Variants in CHCHD3 observed in about 807,000 individuals in gnomAD.
CHCHD3 encodes the protein coiled-coil-helix-coiled-coil-helix domain containing 3, also known as MICOS complex subunit MIC19.
CHCHD3 carries 20 observed loss-of-function variants against 38.2 expected under a neutral mutation model. The observed-to-expected ratio is 0.52, with a 90% CI of 0.37 to 0.76. CHCHD3 has a LOEUF of 0.76. CHCHD3 is among the 30% of genes least tolerant of loss of function. CHCHD3 has a pLI of 0.00. For missense variants in CHCHD3, 245 were observed against 279.2 expected (o/e 0.88, Z 0.87); for synonymous variants, 82 against 100.0 (o/e 0.82, Z 1.07).
At chr7:132,804,588 T>C (rs768545412) in intron 6 of CHCHD3, among the ~76,000 whole-genome samples, 5 of 152,232 alleles carry the variant, frequency 3.3e-5, no homozygotes, top group Non-Finnish European at 5.9e-5. Context: ...AAGAACAGTT[T>C]AATTTTAAAA....
intron 6 of CHCHD3, among the ~76,000 whole-genome samples, chr7:132,820,699 A>C (rs1008080186): frequency 1.4e-5 from 2 of 147,138 alleles, no homozygotes; most frequent in African/African-American, 5.0e-5. Flanking sequence ...TTTGGGGACT[A>C]ATCTAGACAC....
intron 6 of CHCHD3, among the ~76,000 whole-genome samples, chr7:132,825,893 A>T (rs535507159): frequency 6.6e-6 from 1 of 152,294 alleles, no homozygotes; most frequent in Non-Finnish European, 1.5e-5. Context: ...CCCCTTTTTC[A>T]GAACTGATGG....
At position 132,984,887 on chromosome 7, in the gene CHCHD3, C is replaced by T. The variant is rs1178294066; in HGVS notation, c.252-9601G>A. On this transcript the variant is annotated intron_variant, in intron 3 of 7. Transcript: ENST00000262570. ...CCCCCACCCGGCCAGCCGCCCCATC[C>T]GGGAGGGAGGTGGGGGGGTCAGCCC... is the stretch of plus-strand genomic sequence containing the variant. 1.3e-4 allele frequency among the ~76,000 whole-genome samples: 13 copies of T among 101,884 alleles called. 1 individual carries two copies. Among genetic ancestry groups the T allele is most frequent in the South Asian group, 6.4e-4 (2 of 3,134 alleles). The allele number at this position is 101,884 out of a possible 152,430, so 66.8% of individuals were successfully genotyped here.
chr7:133,034,598 AAG>A (rs1813602439), intron 2 of CHCHD3: 1 of 1,478,918 alleles, frequency 6.8e-7, no homozygotes, highest in South Asian at 1.1e-5. Context: ...AGGTGATGGC[AAG>A]AGATGTTCAC....
intron 5 of CHCHD3, among the ~76,000 whole-genome samples, chr7:132,881,955 C>T (rs895177432): frequency 6.6e-6 from 1 of 152,140 alleles, no homozygotes; most frequent in Non-Finnish European, 1.5e-5. Context: ...CAAAATTCAA[C>T]TTGAGTACTT....
chr7:133,059,342 C>T (rs1163960945), intron 2 of CHCHD3, among the ~76,000 whole-genome samples: 2 of 152,102 alleles, frequency 1.3e-5, no homozygotes, highest in African/African-American at 4.8e-5. Context: ...CCTAACCAAA[C>T]CTCACCTAAA....
At chr7:132,836,223 C>T (rs1807777574) in intron 6 of CHCHD3, among the ~76,000 whole-genome samples, 1 of 152,090 alleles carries the variant, frequency 6.6e-6, no homozygotes, top group Non-Finnish European at 1.5e-5. Flanking sequence ...AAGCGATTCT[C>T]CTGCCTTAGC....
At chr7:132,823,609 G>C in intron 6 of CHCHD3, among the ~76,000 whole-genome samples, 1 of 152,084 alleles carries the variant, frequency 6.6e-6, no homozygotes. Flanking sequence ...GGGAAGGAGA[G>C]AGAATACTTT....
chr7:133,059,523 T>A (rs922732066), intron 2 of CHCHD3, among the ~76,000 whole-genome samples: 3 of 152,122 alleles, frequency 2.0e-5, no homozygotes, highest in Non-Finnish European at 4.4e-5. Flanking sequence ...ACACAGATGA[T>A]TTCCTTTCTA....
intron 4 of CHCHD3, among the ~76,000 whole-genome samples, chr7:132,904,030 T>TG (rs1259990491): frequency 3.3e-5 from 5 of 151,214 alleles, no homozygotes; most frequent in African/African-American, 4.9e-5. Context: ...GAGGCTGAGG[T>TG]GGGGGGATCA....
rs1812133345 is a variant in CHCHD3 at position 132,986,675 on chromosome 7, A to G, written c.252-11389T>C. On this transcript the variant is annotated intron_variant, in intron 3 of 7. Transcript: ENST00000262570. The stretch of plus-strand genomic sequence containing the variant: ...AACAGCAAACCAGTTCCCAGATGCC[A>G]TTAAGAAAATCATTGAGAAGAAAGG... 2.0e-5 allele frequency among the ~76,000 whole-genome samples: 3 copies of G among 152,228 alleles called. 1 individual carries two copies. In the South Asian group the frequency reaches 6.2e-4, roughly 31 times the overall value.
At chr7:132,936,084 A>G (rs2117263161) in intron 4 of CHCHD3, among the ~76,000 whole-genome samples, 1 of 152,304 alleles carries the variant, frequency 6.6e-6, no homozygotes, top group South Asian at 2.1e-4. Flanking sequence ...TGTGAGTTTT[A>G]GAAGGGACAT....
chr7:132,929,980 C>A (rs1311155721), intron 4 of CHCHD3, among the ~76,000 whole-genome samples: 1 of 152,106 alleles, frequency 6.6e-6, no homozygotes, highest in East Asian at 1.9e-4. Flanking sequence ...CAAGAGAAAG[C>A]CTTATCCAGT....
In CHCHD3 at chr7:132,997,659, T is replaced by TAAAAAA. The variant is rs71178073; in HGVS notation, c.252-22379_252-22374dup. Among the ~76,000 whole-genome samples, 171 of 81,756 alleles carry TAAAAAA rather than the reference T, an allele frequency of 2.1e-3. 7 individuals are homozygous for TAAAAAA. The highest frequency in any genetic ancestry group is 5.6e-3 in the African/African-American group (118 of 20,886). The allele number at this position is 81,756 out of a possible 152,430, so 53.6% of individuals were successfully genotyped here. A position where few individuals can be genotyped will look rare whatever the true frequency, so the allele number is the denominator to read the frequency against. On this transcript the variant is annotated intron_variant, in intron 3 of 7. Transcript: ENST00000262570. ...CTTCTCACTGTAACTAACAGGGTTG[T>TAAAAAA]AAAAAAAAAAAAAAAAAAAAAAAAA...
intron 2 of CHCHD3, among the ~76,000 whole-genome samples, chr7:133,027,024 G>A (rs556309012): frequency 9.3e-5 from 14 of 151,194 alleles, no homozygotes; most frequent in South Asian, 2.1e-4. Flanking sequence ...TGCAACCTCC[G>A]CCTCCTGGGT....
At chr7:132,965,879 A>G (rs1376033666) in intron 4 of CHCHD3, among the ~76,000 whole-genome samples, 2 of 152,362 alleles carry the variant, frequency 1.3e-5, no homozygotes, top group Middle Eastern at 3.4e-3. Context: ...ATCATTTGTC[A>G]TAAAAGATGG....
At chr7:132,808,101 T>C (rs1374459559) in intron 6 of CHCHD3, among the ~76,000 whole-genome samples, 1 of 152,194 alleles carries the variant, frequency 6.6e-6, no homozygotes, top group Non-Finnish European at 1.5e-5. Context: ...CTCCCTACAT[T>C]ATCAGCCTTC....
At position 133,080,260 on chromosome 7, in the gene CHCHD3, T is replaced by G. The variant is rs192689651; in HGVS notation, c.81+1597A>C. Reference sequence around the variant, plus strand: ...TTATATGACCAAAGGACATTTCTTTTTAAAAAACAAAAATCTTAAAAAGGT... The same window carrying G: ...TTATATGACCAAAGGACATTTCTTTGTAAAAAACAAAAATCTTAAAAAGGT... On this transcript the variant is annotated intron_variant, in intron 1 of 7. Coordinates refer to ENST00000262570, the MANE Select transcript of CHCHD3 (RefSeq NM_017812.4). 1.4e-3 allele frequency among the ~76,000 whole-genome samples: 214 copies of G among 152,326 alleles called. 1 individual carries two copies. The highest frequency in any genetic ancestry group is 3.8e-3 in the African/African-American group (158 of 41,556).
At chr7:132,807,346 T>C (rs1806949190) in intron 6 of CHCHD3, among the ~76,000 whole-genome samples, 1 of 152,116 alleles carries the variant, frequency 6.6e-6, no homozygotes, top group South Asian at 2.1e-4. Flanking sequence ...ATAAGGTAAG[T>C]ATATCTAAGG....
Sources: gnomAD v4.1 joint callset for allele counts (sites outside exome capture counted in the v4.1 genomes callset) on GRCh38, gnomAD v4.1.1 for gene constraint, MANE v1.5 for transcripts, NCBI Gene and HGNC (gene_info 2026-07-23, HGNC 2026-07-21) for gene names.